Variants in RYR2 observed in about 807,000 individuals in gnomAD.
RYR2 encodes the protein cardiac muscle ryanodine receptor-calcium release channel.
Under a neutral mutation model 601.1 loss-of-function variants are expected in RYR2, and 227 were observed. That is an observed-to-expected ratio of 0.38 (90% CI 0.34 to 0.42). The LOEUF is 0.42. Ranked by LOEUF, RYR2 falls within the 10% of genes least tolerant of loss-of-function variation. The probability of loss-of-function intolerance (pLI) is 1.00; values close to 1 mark genes in which losing one functional copy is unlikely to be tolerated. For missense variants in RYR2, 4,646 were observed against 6,156.5 expected (o/e 0.75, Z 8.21); for synonymous variants, 2,223 against 2,175.1 (o/e 1.02, Z -0.61).
intron 2 of RYR2, among the ~76,000 whole-genome samples, chr1:237,283,210 A>G (rs1691089616): frequency 6.6e-6 from 1 of 152,070 alleles, no homozygotes; most frequent in Admixed American, 6.5e-5. Flanking sequence ...TTTACAATGC[A>G]TCTCCCTCCT....
At chr1:237,044,049 C>T (rs1390574279) in intron 1 of RYR2, among the ~76,000 whole-genome samples, 1 of 152,172 alleles carries the variant, frequency 6.6e-6, no homozygotes, top group African/African-American at 2.4e-5. Context: ...GCAGGTTATG[C>T]ACCATTGCAT....
chr1:237,620,491 A>G lies in RYR2; in HGVS notation c.5916+3005A>G, dbSNP rs548465235. Among the ~76,000 whole-genome samples the G allele has an allele frequency of 4.6e-5, 7 of 152,274 alleles. No homozygotes were observed. The South Asian group carries it at 6.2e-4, about 14-fold the overall frequency. On this transcript the variant is annotated intron_variant, in intron 38 of 104. Coordinates refer to ENST00000366574, the MANE Select transcript of RYR2 (RefSeq NM_001035.3). ...CATAGCATATCAATAATCTAAATAT[A>G]CCAATTACAAGAAATTGGCAGAGTG...
chr1:237,742,453 T>TA, intron 80 of RYR2, 104 bp downstream of exon 80: 1 of 881,720 alleles, frequency 1.1e-6, no homozygotes, highest in African/African-American at 1.7e-5. Flanking sequence ...TATTGCAGCT[T>TA]ATTGTGTCAA....
intron 97 of RYR2, among the ~76,000 whole-genome samples, chr1:237,799,076 A>G (rs1322185230): frequency 6.6e-6 from 1 of 152,176 alleles, no homozygotes; most frequent in Non-Finnish European, 1.5e-5. Flanking sequence ...CATTGGTCAT[A>G]TTGTTTTTAT....
At chr1:237,474,621 G>T (rs1031459752) in intron 17 of RYR2, among the ~76,000 whole-genome samples, 1 of 152,018 alleles carries the variant, frequency 6.6e-6, no homozygotes, top group Admixed American at 6.6e-5. Flanking sequence ...TAAAACTGCG[G>T]GTGCCCATGT....
At chr1:237,730,672 A>G (rs190543938) in intron 77 of RYR2, among the ~76,000 whole-genome samples, 85 of 152,242 alleles carry the variant, frequency 5.6e-4, no homozygotes, top group African/African-American at 2.0e-3. Context: ...GAGAACCAGG[A>G]TAGACTATAA....
At chr1:237,331,515 T>C (rs929251474) in intron 3 of RYR2, among the ~76,000 whole-genome samples, 1 of 152,022 alleles carries the variant, frequency 6.6e-6, no homozygotes, top group Non-Finnish European at 1.5e-5. Context: ...TTCTTTTCTT[T>C]TTTTTGAGAT....
chr1:237,691,764 AATATAGGCTTCCC>A (rs1241888293), intron 63 of RYR2, among the ~76,000 whole-genome samples: 2 of 152,216 alleles, frequency 1.3e-5, no homozygotes, highest in African/African-American at 4.8e-5. Flanking sequence ...TTCTTGTCTA[AATATAGGCTTCCC>A]TGTTTGAATT....
chr1:237,760,824 A>AGACATGTAATGAATGGC (rs1693368131), intron 83 of RYR2, 131 bp from the exon 84 acceptor site: 9 of 658,290 alleles, frequency 1.4e-5, no homozygotes, highest in Non-Finnish European at 2.4e-5. Flanking sequence ...CAATGAATGG[A>AGACATGTAATGAATGGC]GACATGTTTT....
Position 237,453,270 on chromosome 1 carries a change from G to A in RYR2, c.1293-1121G>A, listed in dbSNP as rs370325670. On this transcript the variant is annotated intron_variant, in intron 14 of 104. Coordinates refer to ENST00000366574, the MANE Select transcript of RYR2 (RefSeq NM_001035.3). ...ATTCTGTTCATATATAATTGGTATA[G>A]AATTTCAGGCAAAAACTTTAAAATA... 1.0e-3 allele frequency among the ~76,000 whole-genome samples: 153 copies of A among 152,182 alleles called. 2 individuals are homozygous for A. Among genetic ancestry groups the A allele is most frequent in the African/African-American group, 3.6e-3 (148 of 41,560 alleles).
chr1:237,579,540 C>A (rs1271066999), intron 29 of RYR2, among the ~76,000 whole-genome samples: 2 of 152,158 alleles, frequency 1.3e-5, no homozygotes, highest in Non-Finnish European at 2.9e-5. Flanking sequence ...CAGGCGTGAG[C>A]TGCTGCACTG....
chr1:237,389,728 G>T (rs1415372186), intron 10 of RYR2, among the ~76,000 whole-genome samples: 1 of 152,180 alleles, frequency 6.6e-6, no homozygotes, highest in Non-Finnish European at 1.5e-5. Flanking sequence ...GTACATGTTT[G>T]CTATGAAAGA....
At chr1:237,156,327 A>C (rs1359451392) in intron 1 of RYR2, among the ~76,000 whole-genome samples, 1 of 152,228 alleles carries the variant, frequency 6.6e-6, no homozygotes, top group East Asian at 1.9e-4. Context: ...TGTACATTTT[A>C]CCACAACACA....
At chr1:237,786,876 T>C (rs1657654646) in intron 91 of RYR2, among the ~76,000 whole-genome samples, 1 of 152,194 alleles carries the variant, frequency 6.6e-6, no homozygotes, top group African/African-American at 2.4e-5. Context: ...GCACTATTCA[T>C]TGTCATAGAT....
At chr1:237,502,666 G>A (rs543019113) in intron 21 of RYR2, among the ~76,000 whole-genome samples, 9 of 152,158 alleles carry the variant, frequency 5.9e-5, no homozygotes, top group South Asian at 4.1e-4. Context: ...GAGCTCAGGC[G>A]GTAATGCTCT....
At chr1:237,655,261 CTATAAA>C (rs1347027878) in intron 52 of RYR2, among the ~76,000 whole-genome samples, 1 of 152,084 alleles carries the variant, frequency 6.6e-6, no homozygotes, top group African/African-American at 2.4e-5. Context: ...TTCAGAAAAT[CTATAAA>C]TATAAATTTA....
In RYR2 at chr1:237,614,119, T is replaced by C. The variant is rs878854158; in HGVS notation, c.4991T>C (p.Val1664Ala). ...HYHTLRLYSA[V>A]CALGNHRVAH... Reference sequence around the variant, plus strand: ...CACACTCTCCGGCTCTACTCAGCCGTCTGTGCTCTTGGGAACCACCGGGTG... The same window carrying C: ...CACACTCTCCGGCTCTACTCAGCCGCCTGTGCTCTTGGGAACCACCGGGTG... The change falls in exon 37 of 105, where the codon GTC (valine) becomes GCC (alanine). Residue 1664 changes from valine (V) to alanine (A), a missense_variant. Coordinates refer to ENST00000366574, the MANE Select transcript of RYR2 (RefSeq NM_001035.3). The surrounding 1 kb of genome is among the most constrained non-coding windows in gnomAD (Gnocchi z 4.3). 1 of 1,614,036 alleles carries C rather than the reference T, an allele frequency of 6.2e-7. No homozygotes were observed. Among genetic ancestry groups the C allele is most frequent in the East Asian group, 2.2e-5 (1 of 44,880 alleles).
chr1:237,638,609 A>C, intron 45 of RYR2, 117 bp downstream of exon 45: 1 of 1,133,528 alleles, frequency 8.8e-7, no homozygotes, highest in African/African-American at 1.6e-5. Context: ...CACATATTTT[A>C]TAATCGATAG....
rs577714241 is a variant in RYR2, at chr1:237,544,856, A to G, written c.2907-3575A>G. Among the ~76,000 whole-genome samples, 19 of 152,302 alleles carry G rather than the reference A, an allele frequency of 1.2e-4. No individual in the cohort carries two copies. The South Asian group carries it at 3.7e-3, about 30-fold the overall frequency. ...TACTGGTGAAACATTCATGATGTCA[A>G]TAGTGTTATCCATTATAATTAGTTA... On this transcript the variant is annotated intron_variant, in intron 25 of 104. Transcript: ENST00000366574.
Sources: allele counts gnomAD v4.1 joint callset (sites outside exome capture counted in the v4.1 genomes callset), GRCh38; gene constraint gnomAD v4.1.1; non-coding constraint Gnocchi (gnomAD v3.1); transcripts MANE v1.5; gene names NCBI Gene and HGNC (gene_info 2026-07-23, HGNC 2026-07-21).